Variants in GRIK2 observed in about 807,000 individuals in gnomAD.
GRIK2 encodes glutamate receptor ionotropic, kainate 2.
A neutral mutation model predicts 100.3 loss-of-function variants in GRIK2; 32 were observed. That is an observed-to-expected ratio of 0.32 (90% CI 0.24 to 0.43). GRIK2 has a LOEUF of 0.43. Among genes scored for constraint, GRIK2 ranks in the 20% least tolerant of loss-of-function variants. The probability of loss-of-function intolerance (pLI) is 1.00; values close to 1 mark genes in which losing one functional copy is unlikely to be tolerated. For missense variants in GRIK2, 843 were observed against 1,114.9 expected, an observed-to-expected ratio of 0.76 and a Z score of 3.47; for synonymous variants, 417 against 389.4, an observed-to-expected ratio of 1.07 and a Z score of -0.83.
rs570483140 is a variant in GRIK2 at position 101,496,745 on chromosome 6, G to A, written c.115+97353G>A. Among the ~76,000 whole-genome samples the A allele has an allele frequency of 7.2e-5, 11 of 152,192 alleles. No homozygotes were observed. In the East Asian group the frequency reaches 9.6e-4, roughly 13 times the overall value. On this transcript the variant is annotated intron_variant, in intron 2 of 16. Transcript: ENST00000369134. ...AGTGATTATTTACTAACTAGAGTTC[G>A]CTTTCAAATTTTAAAAAGATCTGTA...
chr6:101,756,446 C>CTACATT (rs1777144737), intron 7 of GRIK2, among the ~76,000 whole-genome samples: 1 of 148,462 alleles, frequency 6.7e-6, no homozygotes, highest in African/African-American at 2.5e-5. Context: ...CATTTATAAT[C>CTACATT]TGAAAATAAT....
At chr6:101,626,757 G>A (rs1320296486) in intron 4 of GRIK2, 120 bp downstream of exon 4, 2 of 793,176 alleles carry the variant, frequency 2.5e-6, no homozygotes, top group Non-Finnish European at 4.0e-6. Flanking sequence ...ATTCAGCTAA[G>A]GGGTAGAAAG....
chr6:101,850,445 A>T (rs1487453941), intron 10 of GRIK2, among the ~76,000 whole-genome samples: 2 of 152,022 alleles, frequency 1.3e-5, no homozygotes, highest in Non-Finnish European at 2.9e-5. Context: ...TAATGTCCCT[A>T]TGTTTTAAGT....
At chr6:101,886,128 GC>G (rs1303124276) in intron 11 of GRIK2, among the ~76,000 whole-genome samples, 1 of 151,940 alleles carries the variant, frequency 6.6e-6, no homozygotes, top group East Asian at 1.9e-4. Context: ...CTATAATTTT[GC>G]CTTTTCCTGG....
At chr6:101,857,456 T>C (rs1248208826) in intron 10 of GRIK2, among the ~76,000 whole-genome samples, 1 of 151,986 alleles carries the variant, frequency 6.6e-6, no homozygotes, top group Non-Finnish European at 1.5e-5. Context: ...AAGATGAAAA[T>C]AATCTTGATT....
chr6:102,053,111 C>CACACACACACAT (rs1554197952), intron 15 of GRIK2, among the ~76,000 whole-genome samples: 1 of 151,852 alleles, frequency 6.6e-6, no homozygotes, highest in Non-Finnish European at 1.5e-5. Flanking sequence ...CACACACACA[C>CACACACACACAT]ACATACATAC....
intron 9 of GRIK2, among the ~76,000 whole-genome samples, chr6:101,810,747 A>C (rs80293046): frequency 6.6e-6 from 1 of 150,866 alleles, no homozygotes; most frequent in African/African-American, 2.4e-5. Context: ...GCAACTAACT[A>C]TCTCTACTTT....
chr6:102,009,324 GT>G (rs1474961698), intron 14 of GRIK2, among the ~76,000 whole-genome samples: 58 of 152,104 alleles, frequency 3.8e-4, no homozygotes, highest in Admixed American at 3.7e-3. Flanking sequence ...TAAATTTCAA[GT>G]TTATTCAGTT....
chr6:101,891,780 G>C (rs1294221030), intron 12 of GRIK2, among the ~76,000 whole-genome samples: 3 of 152,086 alleles, frequency 2.0e-5, no homozygotes, highest in African/African-American at 7.2e-5. Context: ...CCACAGTAAT[G>C]AGAATTTGAA....
intron 9 of GRIK2, among the ~76,000 whole-genome samples, chr6:101,804,254 C>T (rs989443004): frequency 2.4e-4 from 37 of 151,918 alleles, no homozygotes; most frequent in African/African-American, 8.2e-4. Context: ...ACAAACATAG[C>T]GTTTGATTTT....
chr6:101,754,671 G>A (rs565501013), intron 7 of GRIK2, among the ~76,000 whole-genome samples: 50 of 152,320 alleles, frequency 3.3e-4, no homozygotes, highest in African/African-American at 9.9e-4. Context: ...CAGGGTACTA[G>A]GTTAGCACAT....
intron 14 of GRIK2, among the ~76,000 whole-genome samples, chr6:101,946,951 T>C (rs1791317566): frequency 6.6e-6 from 1 of 152,134 alleles, no homozygotes; most frequent in African/African-American, 2.4e-5. Flanking sequence ...ACTAGCTTCC[T>C]AGATGATTAC....
chr6:101,692,065 A>G (rs1270606722), intron 7 of GRIK2, among the ~76,000 whole-genome samples: 2 of 124,712 alleles, frequency 1.6e-5, no homozygotes, highest in Non-Finnish European at 1.7e-5. Flanking sequence ...AAAAAAAAAA[A>G]AAGCAATGGA....
chr6:102,069,061 A>T lies in GRIK2; in HGVS notation c.*550A>T, dbSNP rs1285362367. On this transcript the variant is annotated 3_prime_UTR_variant, in exon 17 of 17. Transcript: ENST00000369134. The stretch of plus-strand genomic sequence containing the variant: ...TATAGGATGTGAAAAAATGTAATGC[A>T]AAACAAATTTGAATCCCATGGCAGT... 6.6e-6 allele frequency: 1 copy of T among 151,722 alleles called. No individual in the cohort carries two copies. The highest frequency in any genetic ancestry group is 2.4e-5 in the African/African-American group (1 of 41,376). 9.4% of individuals were successfully genotyped at this position (151,722 alleles called of 1,614,324 possible).
At chr6:101,652,533 A>G (rs1781850480) in intron 4 of GRIK2, among the ~76,000 whole-genome samples, 2 of 152,182 alleles carry the variant, frequency 1.3e-5, no homozygotes, top group Non-Finnish European at 2.9e-5. Context: ...TGATGATTAT[A>G]TATACAGACA....
chr6:101,507,909 C>G lies in GRIK2; in HGVS notation c.115+108517C>G, dbSNP rs111877947. Among the ~76,000 whole-genome samples the G allele has an allele frequency of 1.2e-3, 179 of 152,182 alleles. 3 individuals carry two copies. Among genetic ancestry groups the G allele is most frequent in the African/African-American group, 3.7e-3 (153 of 41,544 alleles). On this transcript the variant is annotated intron_variant, in intron 2 of 16. Transcript: ENST00000369134. ...TTAGTGTTATCATTATATTTCATAG[C>G]TTACATAAACATTTATTTTGGATGC...
At chr6:101,646,162 C>T (rs531038266) in intron 4 of GRIK2, among the ~76,000 whole-genome samples, 16 of 152,006 alleles carry the variant, frequency 1.1e-4, no homozygotes, top group African/African-American at 3.1e-4. Flanking sequence ...TCCTCACCTC[C>T]TGGATCAGGG....
rs1582849267 is a variant in GRIK2 at position 101,626,313 on chromosome 6, A to C, written c.284-67A>C. The C allele has an allele frequency of 2.2e-6, 3 of 1,333,628 alleles. No individual in the cohort carries two copies. The East Asian group carries it at 7.0e-5, about 31-fold the overall frequency. The allele number at this position is 1,333,628 out of a possible 1,614,324, so 82.6% of individuals were successfully genotyped here. A position where few individuals can be genotyped will look rare whatever the true frequency, so the allele number is the denominator to read the frequency against. On this transcript the variant is annotated intron_variant, in intron 3 of 16. Transcript: ENST00000369134. ...TGATACCTTTGGGTTTAAAATAATAATGTGGTATCTGTTGGCACACTGGCA... is the reference window on the plus strand; with the variant it reads ...TGATACCTTTGGGTTTAAAATAATACTGTGGTATCTGTTGGCACACTGGCA...
intron 2 of GRIK2, among the ~76,000 whole-genome samples, chr6:101,461,778 A>G (rs781057073): frequency 6.6e-6 from 1 of 152,214 alleles, no homozygotes; most frequent in Non-Finnish European, 1.5e-5. Flanking sequence ...ACCAGCACTC[A>G]TTAGGGATTT....
Sources: allele counts gnomAD v4.1 joint callset (sites outside exome capture counted in the v4.1 genomes callset), GRCh38; gene constraint gnomAD v4.1.1; transcripts MANE v1.5; gene names NCBI Gene and HGNC (gene_info 2026-07-23, HGNC 2026-07-21).